Variants in TUBD1 observed in about 807,000 individuals in gnomAD.
TUBD1 encodes tubulin delta chain.
A neutral mutation model predicts 51.2 loss-of-function variants in TUBD1; 38 were observed. That is an observed-to-expected ratio of 0.74 (90% confidence interval 0.57 to 0.97). TUBD1 has a LOEUF of 0.97. TUBD1 is among the 50% of genes least tolerant of loss of function. The probability of loss-of-function intolerance (pLI) is 0.00; values close to 1 mark genes in which losing one functional copy is unlikely to be tolerated. For missense variants in TUBD1, 489 were observed against 538.4 expected (o/e 0.91, Z 0.91); for synonymous variants, 169 against 178.2 (o/e 0.95, Z 0.41).
intron 8 of TUBD1, among the ~76,000 whole-genome samples, chr17:59,862,276 T>C (rs1278105796): frequency 6.7e-6 from 1 of 149,432 alleles, no homozygotes; most frequent in Non-Finnish European, 1.5e-5. Context: ...TGAGCAGAGA[T>C]CATGCCATTG....
chr17:59,860,728 A>G (rs2039404655), intron 8 of TUBD1, among the ~76,000 whole-genome samples: 1 of 151,864 alleles, frequency 6.6e-6, no homozygotes, highest in African/African-American at 2.4e-5. Flanking sequence ...CTGGGATTAC[A>G]GGAACGTGCC....
chr17:59,871,734 G>A (rs2039989965), intron 6 of TUBD1, among the ~76,000 whole-genome samples: 1 of 152,094 alleles, frequency 6.6e-6, no homozygotes, highest in South Asian at 2.1e-4. Flanking sequence ...TCCAGAAGAT[G>A]TCTCTAGGCA....
intron 3 of TUBD1, chr17:59,885,107 C>A: frequency 2.9e-6 from 1 of 348,194 alleles, no homozygotes; most frequent in South Asian, 2.5e-5. Flanking sequence ...CAGCCTCCCG[C>A]ATAACCAATG....
In TUBD1 at chr17:59,866,677, A is replaced by G; in HGVS notation, c.1007T>C (p.Leu336Pro). The G allele has an allele frequency of 6.2e-7, 1 of 1,614,202 alleles. No individual in the cohort carries two copies. Among genetic ancestry groups the G allele is most frequent in the East Asian group, 2.2e-5 (1 of 44,882 alleles). ...GTTAGCAATGGAAGTGTTAAAATGC[A>G]GGTCCTTGTTGAGAGACATTTTACT... is the stretch of plus-strand genomic sequence containing the variant. ...PLSKMSLNKDLHFNTSIANLV... is the reference protein window; with the variant it reads ...PLSKMSLNKDPHFNTSIANLV... The change falls in exon 7 of 9, where the codon CTG (leucine) becomes CCG (proline). Residue 336 changes from leucine to proline, a missense_variant. By Grantham distance (98) the Leu-to-Pro change is moderately conservative. Transcript: ENST00000325752.
intron 4 of TUBD1, among the ~76,000 whole-genome samples, chr17:59,880,467 C>G (rs2040432966): frequency 6.6e-6 from 1 of 152,058 alleles, no homozygotes; most frequent in Admixed American, 6.6e-5. Flanking sequence ...ATTCTGGAAG[C>G]CATAACTTAA....
chr17:59,872,266 A>G (rs1390771590), intron 6 of TUBD1, among the ~76,000 whole-genome samples: 1 of 151,618 alleles, frequency 6.6e-6, no homozygotes, highest in Non-Finnish European at 1.5e-5. Context: ...AATTTTTTTA[A>G]ATTATTTTTT....
intron 8 of TUBD1, among the ~76,000 whole-genome samples, chr17:59,861,811 G>A (rs1300835123): frequency 1.3e-5 from 2 of 151,430 alleles, no homozygotes; most frequent in Non-Finnish European, 2.9e-5. Context: ...GGGATTACAG[G>A]TGCCCGCCAC....
In TUBD1 at chr17:59,892,831, G is replaced by A. The variant is rs531409623; in HGVS notation, c.-174C>T. 17 of 241,242 alleles carry A rather than the reference G, an allele frequency of 7.0e-5. No individual in the cohort carries two copies. The East Asian group carries it at 1.5e-3, about 21-fold the overall frequency. 14.9% of individuals were successfully genotyped at this position (241,242 alleles called of 1,614,324 possible). A position where few individuals can be genotyped will look rare whatever the true frequency, so the allele number is the denominator to read the frequency against. On this transcript the variant is annotated 5_prime_UTR_variant, in exon 1 of 9. Coordinates refer to ENST00000325752, the MANE Select transcript of TUBD1 (RefSeq NM_016261.4). ...TTCCATAAACGGAGAGTTTTGTTGT[G>A]TATATATTTTTTCCTATTCAGAAAG...
chr17:59,864,012 A>T (rs2039583724), intron 7 of TUBD1, among the ~76,000 whole-genome samples, 165 bp from the exon 8 acceptor site: 1 of 151,752 alleles, frequency 6.6e-6, no homozygotes, highest in African/African-American at 2.4e-5. Context: ...GAGGTGGAGG[A>T]GGGTAGATTG....
chr17:59,886,490 C>G (rs1312905177), intron 2 of TUBD1: 3 of 317,110 alleles, frequency 9.5e-6, no homozygotes, highest in African/African-American at 6.5e-5. Flanking sequence ...GATTAGCCGG[C>G]GTGGTGGCAT....
At chr17:59,870,372 C>CAAAAAAAAAAAAA (rs530315478) in intron 6 of TUBD1, among the ~76,000 whole-genome samples, 1 of 77,964 alleles carries the variant, frequency 1.3e-5, no homozygotes, top group Non-Finnish European at 2.6e-5. Flanking sequence ...CTCCATCTCA[C>CAAAAAAAAAAAAA]AAAAAAAAAA....
At chr17:59,865,989 T>C (rs1386431884) in intron 7 of TUBD1, among the ~76,000 whole-genome samples, 4 of 150,990 alleles carry the variant, frequency 2.6e-5, no homozygotes, top group African/African-American at 9.7e-5. Context: ...CATCTGCTTG[T>C]AATCTCAGCT....
intron 3 of TUBD1, 163 bp from the exon 4 acceptor site, chr17:59,881,273 A>G (rs953686807): frequency 2.1e-5 from 13 of 605,530 alleles, no homozygotes; most frequent in Admixed American, 3.0e-5. Context: ...TTTTAAATAC[A>G]TAAGTTGAAT....
chr17:59,863,738 C>G lies in TUBD1; in HGVS notation c.1185G>C (p.Leu395Phe), dbSNP rs1302476270. Residue 395 changes from leucine (L) to phenylalanine (F), a missense_variant, in exon 8 of 9, where the codon TTG (leucine) becomes TTC (phenylalanine). By Grantham distance (22) the Leu-to-Phe change is conservative (BLOSUM62 0). Coordinates refer to ENST00000325752, the MANE Select transcript of TUBD1 (RefSeq NM_016261.4). ...TTACTAAGAACTGGCTGTTGCTGACCAACACTGCAGACTTCTCATATTTGC... is the reference window on the plus strand; with the variant it reads ...TTACTAAGAACTGGCTGTTGCTGACGAACACTGCAGACTTCTCATATTTGC... ...AFSKYEKSAV[L>F]VSNSQFLVKP... 6.2e-7 allele frequency: 1 copy of G among 1,609,486 alleles called. No individual in the cohort carries two copies. The highest frequency in any genetic ancestry group is 8.5e-7 in the Non-Finnish European group (1 of 1,178,606).
At chr17:59,865,956 C>G (rs899142931) in intron 7 of TUBD1, among the ~76,000 whole-genome samples, 10 of 151,678 alleles carry the variant, frequency 6.6e-5, no homozygotes, top group Non-Finnish European at 1.0e-4. Context: ...ACTAAAAATA[C>G]AAAAATTAGC....
chr17:59,867,075 G>A (rs761603733), intron 6 of TUBD1, among the ~76,000 whole-genome samples: 1 of 152,092 alleles, frequency 6.6e-6, no homozygotes, highest in Non-Finnish European at 1.5e-5. Flanking sequence ...GATTACAGGC[G>A]TGAGCCACTG....
At position 59,860,218 on chromosome 17, in the gene TUBD1, G is replaced by A. The variant is rs1284445800; in HGVS notation, c.*104C>T. On this transcript the variant is annotated 3_prime_UTR_variant, in exon 9 of 9. Coordinates refer to ENST00000325752, the MANE Select transcript of TUBD1 (RefSeq NM_016261.4). ...TTTCTGGTAGAGACGGTGTTTCACC[G>A]TGTTAGCCAGGATGGAGAACTTTGA... 6 of 848,664 alleles carry A rather than the reference G, an allele frequency of 7.1e-6. No homozygotes were observed. Among genetic ancestry groups the A allele is most frequent in the East Asian group, 2.7e-5 (1 of 37,268 alleles). The allele number at this position is 848,664 out of a possible 1,614,324, so 52.6% of individuals were successfully genotyped here.
intron 6 of TUBD1, among the ~76,000 whole-genome samples, chr17:59,873,918 G>A (rs564484427): frequency 4.7e-5 from 7 of 150,526 alleles, no homozygotes; most frequent in South Asian, 4.2e-4. Context: ...GGCCGGGCAC[G>A]GTGGCTCACT....
At chr17:59,872,265 A>T (rs758113326) in intron 6 of TUBD1, among the ~76,000 whole-genome samples, 1 of 151,654 alleles carries the variant, frequency 6.6e-6, no homozygotes, top group African/African-American at 2.4e-5. Context: ...TAATTTTTTT[A>T]AATTATTTTT....
Sources: gnomAD v4.1 joint callset for allele counts (sites outside exome capture counted in the v4.1 genomes callset) on GRCh38, gnomAD v4.1.1 for gene constraint, MANE v1.5 for transcripts, NCBI Gene and HGNC (gene_info 2026-07-23, HGNC 2026-07-21) for gene names.